The following UBE2L6 variants were observed in gnomAD, a reference collection of about 807,000 sequenced individuals.
UBE2L6 encodes the protein ubiquitin conjugating enzyme E2 L6.
Under a neutral mutation model 13.6 loss-of-function variants are expected in UBE2L6, and 11 were observed. The observed-to-expected ratio is 0.81, with a 90% CI of 0.51 to 1.34. The LOEUF is 1.34. Among genes scored for constraint, UBE2L6 ranks in the 40% most tolerant of loss-of-function variants. The pLI, the probability that UBE2L6 is intolerant of heterozygous loss-of-function variation, is 0.00. For synonymous variants in UBE2L6, 74 were observed against 83.2 expected (o/e 0.89, Z 0.60); for missense variants, 197 against 199.5 (o/e 0.99, Z 0.07).
intron 1 of UBE2L6, among the ~76,000 whole-genome samples, chr11:57,565,086 T>C (rs1036672463): frequency 3.1e-4 from 47 of 151,454 alleles, no homozygotes; most frequent in African/African-American, 1.1e-3. Flanking sequence ...CTACTAAAAA[T>C]ACAAAATTAG....
chr11:57,567,481 CAAAT>C (rs1389059592), intron 1 of UBE2L6, 100 bp downstream of exon 1: 8 of 1,503,718 alleles, frequency 5.3e-6, no homozygotes, highest in Non-Finnish European at 6.4e-6. Context: ...GGTGCCCAGA[CAAAT>C]AAATAAATGT....
At position 57,554,480 on chromosome 11, in the gene UBE2L6, G is replaced by C; in HGVS notation, c.267C>G (p.Ile89Met). The C allele has an allele frequency of 1.2e-6, 2 of 1,614,194 alleles. No homozygotes were observed. The highest frequency in any genetic ancestry group is 1.7e-6 in the Non-Finnish European group (2 of 1,180,034). The part of the protein sequence containing the change: ...VDENGQICLP[I>M]ISSENWKPCT... Reference sequence around the variant, plus strand: ...AAGGCTTCCAGTTCTCACTGCTGATGATGGGCAGGCAAATCTGTCCGTTCT... The same window carrying C: ...AAGGCTTCCAGTTCTCACTGCTGATCATGGGCAGGCAAATCTGTCCGTTCT... Residue 89 changes from isoleucine (I) to methionine (M), a missense_variant, in exon 3 of 4, where the codon ATC becomes ATG. Ile to Met is a conservative substitution (Grantham distance 10). Coordinates refer to ENST00000287156, the MANE Select transcript of UBE2L6 (RefSeq NM_004223.5).
intron 2 of UBE2L6, among the ~76,000 whole-genome samples, chr11:57,555,017 G>A (rs148777938): frequency 2.7e-4 from 41 of 152,312 alleles, no homozygotes; most frequent in African/African-American, 9.4e-4. Flanking sequence ...GAATGGGGGT[G>A]AGGAAATGGA....
intron 3 of UBE2L6, among the ~76,000 whole-genome samples, chr11:57,553,154 T>C (rs918758651): frequency 6.6e-6 from 1 of 152,210 alleles, no homozygotes; most frequent in African/African-American, 2.4e-5. Context: ...AGCTGTGTTG[T>C]TCAATATGGT....
At chr11:57,560,271 C>T in intron 2 of UBE2L6, 66 bp downstream of exon 2, 1 of 1,339,408 alleles carries the variant, frequency 7.5e-7, no homozygotes, top group Non-Finnish European at 1.1e-6. Flanking sequence ...AGTCCTAACC[C>T]TCCCTGCCCA....
chr11:57,553,752 G>A (rs1052022695), intron 3 of UBE2L6, among the ~76,000 whole-genome samples: 4 of 152,130 alleles, frequency 2.6e-5, no homozygotes, highest in African/African-American at 7.2e-5. Flanking sequence ...CTTGAACCTG[G>A]GAGGTGGAGG....
At chr11:57,562,386 G>A (rs1945054043) in intron 1 of UBE2L6, among the ~76,000 whole-genome samples, 1 of 152,220 alleles carries the variant, frequency 6.6e-6, no homozygotes, top group South Asian at 2.1e-4. Flanking sequence ...ACCTCTCTGG[G>A]GCCCAGCAGT....
chr11:57,555,098 A>G (rs1944987249), intron 2 of UBE2L6, among the ~76,000 whole-genome samples: 1 of 152,226 alleles, frequency 6.6e-6, no homozygotes, highest in African/African-American at 2.4e-5. Context: ...GGAAAACAGT[A>G]TGGCCATTTC....
upstream of UBE2L6, chr11:57,567,866 G>T (rs1333814715): frequency 4.7e-6 from 2 of 427,232 alleles, no homozygotes; most frequent in Non-Finnish European, 8.2e-6. Context: ...GTGCGGAGAC[G>T]GGGGCGGGCC....
intron 3 of UBE2L6, among the ~76,000 whole-genome samples, chr11:57,553,812 C>G (rs1321175508): frequency 6.6e-6 from 1 of 152,070 alleles, no homozygotes; most frequent in East Asian, 1.9e-4. Context: ...GGCGACAGAG[C>G]GAGACTCTGT....
intron 1 of UBE2L6, among the ~76,000 whole-genome samples, chr11:57,560,911 C>A (rs894537990): frequency 5.9e-5 from 9 of 151,818 alleles, no homozygotes; most frequent in Middle Eastern, 3.4e-3. Flanking sequence ...TGAGCTACCG[C>A]GCCCAGCCGG....
At chr11:57,559,520 A>G (rs1203416048) in intron 2 of UBE2L6, among the ~76,000 whole-genome samples, 1 of 152,158 alleles carries the variant, frequency 6.6e-6, no homozygotes, top group Non-Finnish European at 1.5e-5. Flanking sequence ...CTGAGGCAGG[A>G]GAATCGCTTG....
rs1322751855 is a variant in UBE2L6, at chr11:57,566,955, C to CCG, written c.27+629_27+630insCG. On this transcript the variant is annotated intron_variant, in intron 1 of 3. Transcript: ENST00000287156. ...TGTGTTCATCTCTGCCCGCCCCCCC[C>CCG]CCCCTCCTAGAACAGGGCCAGCACA... The CCG allele has an allele frequency of 6.1e-5, 13 of 211,436 alleles. 1 individual carries two copies. Among genetic ancestry groups the CCG allele is most frequent in the African/African-American group, 4.3e-4 (13 of 30,448 alleles). 13.1% of individuals were successfully genotyped at this position (211,436 alleles called of 1,614,324 possible).
At chr11:57,556,568 G>T (rs1179748366) in intron 2 of UBE2L6, among the ~76,000 whole-genome samples, 1 of 126,506 alleles carries the variant, frequency 7.9e-6, no homozygotes, top group Admixed American at 9.3e-5. Context: ...CTCCAGCCTG[G>T]GCAACAAGAG....
chr11:57,558,791 C>T (rs926176246), intron 2 of UBE2L6, among the ~76,000 whole-genome samples: 2 of 152,188 alleles, frequency 1.3e-5, no homozygotes, highest in African/African-American at 4.8e-5. Context: ...TCCTGGTTCT[C>T]CTTCCTCTGC....
intron 1 of UBE2L6, chr11:57,566,958 C>T (rs958891525): frequency 6.2e-5 from 12 of 194,766 alleles, no homozygotes; most frequent in East Asian, 4.4e-4. Flanking sequence ...CCCCCCCCCC[C>T]CTCCTAGAAC....
chr11:57,561,974 C>T (rs959145302), intron 1 of UBE2L6, among the ~76,000 whole-genome samples: 2 of 152,172 alleles, frequency 1.3e-5, no homozygotes, highest in African/African-American at 4.8e-5. Flanking sequence ...CAGGGACATT[C>T]GGTAATATCT....
rs761401395 is a variant in UBE2L6 at position 57,554,441 on chromosome 11, G to T, written c.306C>A (p.Cys102Ter). 6.2e-7 allele frequency: 1 copy of T among 1,613,332 alleles called. No individual in the cohort carries two copies. Among genetic ancestry groups the T allele is most frequent in the Non-Finnish European group, 8.5e-7 (1 of 1,179,484 alleles). ...CCAAGCAAAGCCCAACCCCACCTTG[G>T]CAAGTCTTGGTGCAAGGCTTCCAGT... ...SENWKPCTKTCQVLEALNVLV... is the reference protein window; with the variant it reads ...SENWKPCTKT The change falls in exon 3 of 4, where the codon TGC (cysteine) becomes TGA (stop). Residue 102 changes from cysteine to a stop codon, truncating the protein, a stop_gained. Coordinates refer to ENST00000287156, the MANE Select transcript of UBE2L6 (RefSeq NM_004223.5). LOFTEE classifies it low-confidence loss of function (END_TRUNC).
At chr11:57,566,930 T>G in intron 1 of UBE2L6, 1 of 435,600 alleles carries the variant, frequency 2.3e-6, no homozygotes, top group African/African-American at 2.1e-5. Context: ...GGGCCGGATT[T>G]GTGTTCATCT....
Sources: allele counts gnomAD v4.1 joint callset (sites outside exome capture counted in the v4.1 genomes callset), GRCh38; gene constraint gnomAD v4.1.1; transcripts MANE v1.5; gene names NCBI Gene and HGNC (gene_info 2026-07-23, HGNC 2026-07-21).